The following ADCY1 variants were observed in gnomAD, a reference collection of about 807,000 sequenced individuals.
The protein encoded by ADCY1 is adenylate cyclase type 1.
A neutral mutation model predicts 105.4 loss-of-function variants in ADCY1; 28 were observed. The observed-to-expected ratio is 0.27, with a 90% CI of 0.20 to 0.36. The LOEUF (loss-of-function observed/expected upper bound fraction) is 0.36. Among genes scored for constraint, ADCY1 ranks in the 10% least tolerant of loss-of-function variants. The pLI, the probability that ADCY1 is intolerant of heterozygous loss-of-function variation, is 1.00. For synonymous variants in ADCY1, 655 were observed against 623.8 expected (o/e 1.05, Z -0.75); for missense variants, 977 against 1,434.2 (o/e 0.68, Z 5.15).
At position 45,675,067 on chromosome 7, in the gene ADCY1, T is replaced by C. The variant is rs140307824; in HGVS notation, c.1606-2802T>C. ...ATTATTGATATGTTATTGATAAGTC[T>C]GCTATTTAACTTATTTTTTGTTTTT... is the stretch of plus-strand genomic sequence containing the variant. On this transcript the variant is annotated intron_variant, in intron 8 of 19. Transcript: ENST00000297323. 8.2e-3 allele frequency among the ~76,000 whole-genome samples: 1,244 copies of C among 152,322 alleles called. 21 individuals carry two copies. Among genetic ancestry groups the C allele is most frequent in the African/African-American group, 0.028 (1,183 of 41,580 alleles).
rs1047623598 is a variant in ADCY1 at position 45,718,130 on chromosome 7, C to T, written c.*4135C>T. On this transcript the variant is annotated 3_prime_UTR_variant, in exon 20 of 20. Coordinates refer to ENST00000297323, the MANE Select transcript of ADCY1 (RefSeq NM_021116.4). ...AGCAGACAGAGCCGGCGTTAAACCC[C>T]GATCAGGTCATTGTCACCACACCCT... 8 of 152,134 alleles carry T rather than the reference C, an allele frequency of 5.3e-5. No homozygotes were observed. The highest frequency in any genetic ancestry group is 1.3e-4 in the Admixed American group (2 of 15,274). 9.4% of individuals were successfully genotyped at this position (152,134 alleles called of 1,614,324 possible).
At chr7:45,661,083 G>C (rs1795088470) in intron 7 of ADCY1, among the ~76,000 whole-genome samples, 1 of 152,116 alleles carries the variant, frequency 6.6e-6, no homozygotes, top group South Asian at 2.1e-4. Context: ...TACTGTGTTG[G>C]CTCTTCTTAA....
chr7:45,679,929 C>T, intron 11 of ADCY1, 136 bp downstream of exon 11: 1 of 1,109,256 alleles, frequency 9.0e-7, no homozygotes, highest in Non-Finnish European at 1.4e-6. Context: ...TCACCTTGTT[C>T]AGGTATGTGG....
At chr7:45,685,874 C>G in intron 12 of ADCY1, 88 bp from the exon 13 acceptor site, 1 of 1,491,706 alleles carries the variant, frequency 6.7e-7, no homozygotes, top group Non-Finnish European at 8.9e-7. Flanking sequence ...CTTGGGAGAC[C>G]TGCTTGAAGA....
At chr7:45,614,594 A>G (rs926785259) in intron 3 of ADCY1, among the ~76,000 whole-genome samples, 2 of 152,208 alleles carry the variant, frequency 1.3e-5, no homozygotes, top group African/African-American at 2.4e-5. Context: ...AACACATAGC[A>G]TGGCTGAGTG....
chr7:45,643,865 C>G (rs1554323761), intron 4 of ADCY1, among the ~76,000 whole-genome samples: 1 of 152,142 alleles, frequency 6.6e-6, no homozygotes, highest in Non-Finnish European at 1.5e-5. Flanking sequence ...TGCTTCCCAA[C>G]AGGGCACGCT....
At chr7:45,614,291 T>C (rs1338237154) in intron 3 of ADCY1, among the ~76,000 whole-genome samples, 1 of 152,190 alleles carries the variant, frequency 6.6e-6, no homozygotes, top group Non-Finnish European at 1.5e-5. Flanking sequence ...GTAGAGTTTC[T>C]GTATGTAATT....
intron 4 of ADCY1, 43 bp from the exon 5 acceptor site, chr7:45,648,627 C>T (rs1378289665): frequency 6.2e-7 from 1 of 1,613,018 alleles, no homozygotes; most frequent in Admixed American, 1.7e-5. Context: ...CTCACAGCCT[C>T]TGTAGCGCTG....
At chr7:45,577,538 T>A (rs1198797290) in intron 1 of ADCY1, among the ~76,000 whole-genome samples, 1 of 152,238 alleles carries the variant, frequency 6.6e-6, no homozygotes, top group Non-Finnish European at 1.5e-5. Flanking sequence ...TGCTCTTCAC[T>A]GCTTTACCAT....
At chr7:45,640,115 A>G (rs948151955) in intron 4 of ADCY1, among the ~76,000 whole-genome samples, 4 of 152,236 alleles carry the variant, frequency 2.6e-5, no homozygotes, top group African/African-American at 9.6e-5. Flanking sequence ...TCCTGGTCAT[A>G]GATGACAAGG....
At chr7:45,588,666 G>A (rs1463298979) in intron 1 of ADCY1, among the ~76,000 whole-genome samples, 1 of 152,080 alleles carries the variant, frequency 6.6e-6, no homozygotes, top group Non-Finnish European at 1.5e-5. Context: ...GACAGGTCCT[G>A]CTCCTCCTGG....
At chr7:45,592,583 A>C (rs1792953813) in intron 1 of ADCY1, among the ~76,000 whole-genome samples, 176 bp from the exon 2 acceptor site, 1 of 152,188 alleles carries the variant, frequency 6.6e-6, no homozygotes, top group Admixed American at 6.5e-5. Context: ...CCGCCCGGAC[A>C]GGGTGAGGAC....
intron 14 of ADCY1, among the ~76,000 whole-genome samples, chr7:45,695,808 A>G (rs1173541617): frequency 6.6e-6 from 1 of 152,236 alleles, no homozygotes; most frequent in African/African-American, 2.4e-5. Context: ...TCTCAATGCC[A>G]TGTTGGGCTT....
At position 45,717,437 on chromosome 7, in the gene ADCY1, T is replaced by G. The variant is rs185050362; in HGVS notation, c.*3442T>G. 3.9e-5 allele frequency: 6 copies of G among 152,754 alleles called. 1 individual carries two copies. The highest frequency in any genetic ancestry group is 1.4e-4 in the African/African-American group (6 of 41,580). 9.5% of individuals were successfully genotyped at this position (152,754 alleles called of 1,614,324 possible). ...GGAAAACTGTATTATATTGCCTTAT[T>G]TATTTTTAATCATGTACAATATTCA... On this transcript the variant is annotated 3_prime_UTR_variant, in exon 20 of 20. Transcript: ENST00000297323.
intron 5 of ADCY1, among the ~76,000 whole-genome samples, chr7:45,655,247 T>C (rs1794906067): frequency 6.6e-6 from 1 of 152,172 alleles, no homozygotes; most frequent in Non-Finnish European, 1.5e-5. Context: ...GGGCCAACAG[T>C]GGCCCCCTCT....
chr7:45,608,161 T>C (rs1445985716), intron 2 of ADCY1, among the ~76,000 whole-genome samples: 1 of 152,252 alleles, frequency 6.6e-6, no homozygotes, highest in Non-Finnish European at 1.5e-5. Flanking sequence ...TGAGATGGTA[T>C]CTCATGGTGG....
intron 3 of ADCY1, among the ~76,000 whole-genome samples, chr7:45,614,954 G>A (rs910183466): frequency 6.6e-6 from 1 of 152,180 alleles, no homozygotes; most frequent in Non-Finnish European, 1.5e-5. Context: ...GTCTATTTTT[G>A]ATAACAGACA....
At position 45,613,951 on chromosome 7, in the gene ADCY1, T is replaced by A. The variant is rs1793661484; in HGVS notation, c.908+3454T>A. On this transcript the variant is annotated intron_variant, in intron 3 of 19. Coordinates refer to ENST00000297323, the MANE Select transcript of ADCY1 (RefSeq NM_021116.4). ...ATAAAAACATGAAGGAATAAAGACC[T>A]TCCCAGACAATTAAAAGCTGAGGAA... Among the ~76,000 whole-genome samples, 2 of 152,166 alleles carry A rather than the reference T, an allele frequency of 1.3e-5. 1 individual carries two copies. Among genetic ancestry groups the A allele is most frequent in the South Asian group, 4.1e-4 (2 of 4,834 alleles).
chr7:45,692,588 G>A (rs1330459599), intron 14 of ADCY1, among the ~76,000 whole-genome samples: 2 of 152,282 alleles, frequency 1.3e-5, no homozygotes, highest in East Asian at 1.9e-4. Flanking sequence ...TGTCTGTCTC[G>A]TGAGATGCTT....
Sources: gnomAD v4.1 joint callset for allele counts (sites outside exome capture counted in the v4.1 genomes callset) on GRCh38, gnomAD v4.1.1 for gene constraint, MANE v1.5 for transcripts, NCBI Gene and HGNC (gene_info 2026-07-23, HGNC 2026-07-21) for gene names.